The following SH3PXD2A variants were observed in gnomAD, a reference collection of about 807,000 sequenced individuals.
SH3PXD2A encodes the protein SH3 and PX domain-containing protein 2A.
Under a neutral mutation model 115.2 loss-of-function variants are expected in SH3PXD2A, and 32 were observed. The observed-to-expected ratio is 0.28, with a 90% CI of 0.21 to 0.37. The LOEUF (loss-of-function observed/expected upper bound fraction) is 0.37, where lower values mean the gene tolerates loss of function less well. SH3PXD2A is among the 10% of genes least tolerant of loss of function. The pLI is 1.00. For missense variants in SH3PXD2A, 1,328 were observed against 1,498.7 expected, an observed-to-expected ratio of 0.89 and a Z score of 1.88; for synonymous variants, 610 against 629.1, an observed-to-expected ratio of 0.97 and a Z score of 0.45.
intron 2 of SH3PXD2A, among the ~76,000 whole-genome samples, chr10:103,771,737 CAA>C (rs1491219966): frequency 1.8e-5 from 2 of 110,988 alleles, no homozygotes; most frequent in African/African-American, 7.5e-5. Context: ...TCCGTCAAAA[CAA>C]CACACACACA....
chr10:103,772,679 C>G (rs1013149689), intron 2 of SH3PXD2A, among the ~76,000 whole-genome samples: 1 of 152,204 alleles, frequency 6.6e-6, no homozygotes, highest in African/African-American at 2.4e-5. Context: ...TTCGGCAGCT[C>G]TCCCAGGGCA....
At chr10:103,805,971 C>T (rs2039197827) in intron 1 of SH3PXD2A, among the ~76,000 whole-genome samples, 1 of 152,260 alleles carries the variant, frequency 6.6e-6, no homozygotes, top group South Asian at 2.1e-4. Flanking sequence ...GAAGAGCTGA[C>T]AGAGAGCTGT....
chr10:103,762,481 T>TG (rs60292040), intron 3 of SH3PXD2A, among the ~76,000 whole-genome samples: 8 of 150,602 alleles, frequency 5.3e-5, no homozygotes, highest in East Asian at 1.9e-4. Context: ...GGCATAGGCC[T>TG]GGGGGGGCTC....
intron 3 of SH3PXD2A, among the ~76,000 whole-genome samples, chr10:103,748,394 C>CTGTG (rs1264012962): frequency 6.6e-6 from 1 of 152,184 alleles, no homozygotes; most frequent in African/African-American, 2.4e-5. Context: ...GCTGTGCAAC[C>CTGTG]TGTGGCCAGC....
chr10:103,841,831 A>C (rs1662033793), intron 1 of SH3PXD2A, among the ~76,000 whole-genome samples: 1 of 152,104 alleles, frequency 6.6e-6, no homozygotes, highest in South Asian at 2.1e-4. Context: ...CCTCTATAAA[A>C]TAGCACAGCA....
chr10:103,792,817 A>G (rs1001728348), intron 2 of SH3PXD2A, among the ~76,000 whole-genome samples: 1 of 152,202 alleles, frequency 6.6e-6, no homozygotes, highest in Non-Finnish European at 1.5e-5. Flanking sequence ...TAATATCTGA[A>G]TACAAGATTC....
intron 8 of SH3PXD2A, among the ~76,000 whole-genome samples, chr10:103,654,732 A>G (rs1490978019): frequency 1.3e-5 from 2 of 152,196 alleles, no homozygotes; most frequent in African/African-American, 4.8e-5. Context: ...TTCCTTTAGA[A>G]TTAGCATATA....
intron 9 of SH3PXD2A, among the ~76,000 whole-genome samples, chr10:103,623,830 G>T (rs1451487506): frequency 6.6e-6 from 1 of 152,240 alleles, no homozygotes; most frequent in Non-Finnish European, 1.5e-5. Context: ...AGGCCTCCTG[G>T]TGGGGCAGGG....
At position 103,611,644 on chromosome 10, in the gene SH3PXD2A, C is replaced by T; in HGVS notation, c.1259-14G>A. 1.9e-6 allele frequency: 3 copies of T among 1,612,668 alleles called. No homozygotes were observed. Among genetic ancestry groups the T allele is most frequent in the Non-Finnish European group, 2.5e-6 (3 of 1,178,628 alleles). ...GGTTCGGGGAGCCTAGAGGAAGAGA[C>T]ATGGCTTCAGAAATCCTAGTCAGAC... On this transcript the variant is annotated splice_polypyrimidine_tract_variant and intron_variant, in intron 12 of 14. Transcript: ENST00000369774.
intron 3 of SH3PXD2A, among the ~76,000 whole-genome samples, chr10:103,750,302 C>G (rs1482965529): frequency 6.6e-6 from 1 of 152,140 alleles, no homozygotes; most frequent in Non-Finnish European, 1.5e-5. Context: ...ATCCTGCCAC[C>G]CTGGCCTACA....
intron 1 of SH3PXD2A, among the ~76,000 whole-genome samples, chr10:103,819,629 C>T (rs1043307194): frequency 1.3e-5 from 2 of 151,880 alleles, no homozygotes; most frequent in African/African-American, 2.4e-5. Context: ...AGTGTTTCTT[C>T]GGTGGAGAAC....
intron 6 of SH3PXD2A, among the ~76,000 whole-genome samples, 198 bp from the exon 7 acceptor site, chr10:103,668,850 G>A (rs566436169): frequency 1.2e-4 from 19 of 152,360 alleles, no homozygotes; most frequent in Admixed American, 5.2e-4. Context: ...TTACAGAGGC[G>A]CTGGGACACA....
intron 2 of SH3PXD2A, among the ~76,000 whole-genome samples, chr10:103,781,765 C>T (rs549632054): frequency 1.9e-4 from 29 of 152,326 alleles, no homozygotes; most frequent in African/African-American, 4.8e-4. Flanking sequence ...TGCTTTCCCC[C>T]GGAAGGACTG....
intron 2 of SH3PXD2A, among the ~76,000 whole-genome samples, chr10:103,783,296 C>T (rs868640803): frequency 3.9e-4 from 60 of 152,272 alleles, no homozygotes; most frequent in African/African-American, 1.3e-3. Flanking sequence ...GGCTCTGATT[C>T]GTGGGAAGAC....
chr10:103,846,628 C>T (rs1450352058), intron 1 of SH3PXD2A, among the ~76,000 whole-genome samples: 2 of 152,218 alleles, frequency 1.3e-5, no homozygotes, highest in African/African-American at 4.8e-5. Context: ...AGCTGTTATA[C>T]CTGCCCTCCG....
intron 8 of SH3PXD2A, 138 bp downstream of exon 8, chr10:103,660,845 C>A: frequency 1.0e-6 from 1 of 952,666 alleles, no homozygotes; most frequent in Non-Finnish European, 1.6e-6. Flanking sequence ...GGGGAAACTT[C>A]AGCCGCCTCG....
intron 6 of SH3PXD2A, among the ~76,000 whole-genome samples, chr10:103,680,489 C>T (rs2037594248): frequency 6.6e-6 from 1 of 151,952 alleles, no homozygotes; most frequent in Non-Finnish European, 1.5e-5. Context: ...GTTGCCCAGG[C>T]TGGTCTCAAG....
intron 1 of SH3PXD2A, among the ~76,000 whole-genome samples, chr10:103,841,177 G>T (rs2039593985): frequency 6.6e-6 from 1 of 152,164 alleles, no homozygotes; most frequent in Admixed American, 6.5e-5. Context: ...TTTGTCCAGG[G>T]ATTTATCACA....
chr10:103,628,396 A>G (rs2036729905), intron 8 of SH3PXD2A, among the ~76,000 whole-genome samples: 1 of 151,904 alleles, frequency 6.6e-6, no homozygotes, highest in Non-Finnish European at 1.5e-5. Context: ...AGCTCTGCAA[A>G]GCCCATGAAA....
Sources: allele counts gnomAD v4.1 joint callset (sites outside exome capture counted in the v4.1 genomes callset), GRCh38; gene constraint gnomAD v4.1.1; transcripts MANE v1.5; gene names NCBI Gene and HGNC (gene_info 2026-07-23, HGNC 2026-07-21).